IFRD1: variants seen among roughly 807,000 people sequenced by gnomAD.
IFRD1 encodes interferon related developmental regulator 1, also known as interferon-related developmental regulator 1.
In IFRD1, 35 loss-of-function variants were observed where a neutral mutation model predicts 52.9. The observed-to-expected ratio is 0.66, with a 90% CI of 0.51 to 0.88. The LOEUF is 0.88. IFRD1 is among the 40% of genes least tolerant of loss of function. The probability of loss-of-function intolerance (pLI) is 0.00; values close to 1 mark genes in which losing one functional copy is unlikely to be tolerated. For synonymous variants in IFRD1, 184 were observed against 188.4 expected, an observed-to-expected ratio of 0.98 and a Z score of 0.19; for missense variants, 517 against 550.8, an observed-to-expected ratio of 0.94 and a Z score of 0.61.
At chr7:112,454,817 G>A (rs910380300) in intron 1 of IFRD1, among the ~76,000 whole-genome samples, 2 of 144,174 alleles carry the variant, frequency 1.4e-5, no homozygotes, top group African/African-American at 5.1e-5. Context: ...TTCATGATTT[G>A]AAATCATGGT....
intron 1 of IFRD1, among the ~76,000 whole-genome samples, chr7:112,438,195 T>C (rs1794760498): frequency 6.6e-6 from 1 of 152,214 alleles, no homozygotes; most frequent in South Asian, 2.1e-4. Context: ...TAATTGCTTG[T>C]ATCTCTCTAA....
In IFRD1 at chr7:112,462,079, T is replaced by A; in HGVS notation, c.697T>A (p.Cys233Ser). The A allele has an allele frequency of 6.2e-7, 1 of 1,613,462 alleles. No individual in the cohort carries two copies. Among genetic ancestry groups the A allele is most frequent in the Non-Finnish European group, 8.5e-7 (1 of 1,179,570 alleles). Residue 233 changes from cysteine to serine, a missense_variant, in exon 7 of 12, where the codon TGC becomes AGC. Physicochemically the swap from Cys to Ser is moderately radical, Grantham distance 112 (BLOSUM62 -1). Coordinates refer to ENST00000403825, the MANE Select transcript of IFRD1 (RefSeq NM_001550.4). ...YLKEKDTTVICSTPNTVLHIS... is the reference protein window; with the variant it reads ...YLKEKDTTVISSTPNTVLHIS... ...CAAAGAGAAAGACACTACTGTTATTTGCAGCACTCCTAATACAGTGCTTCA... is the reference window on the plus strand; with the variant it reads ...CAAAGAGAAAGACACTACTGTTATTAGCAGCACTCCTAATACAGTGCTTCA...
rs553000664 is a variant in IFRD1, at chr7:112,426,207, C to T, written c.-182+2775C>T. 1.1e-4 allele frequency among the ~76,000 whole-genome samples: 17 copies of T among 152,130 alleles called. No homozygotes were observed. The East Asian group carries it at 2.9e-3, about 26-fold the overall frequency. On this transcript the variant is annotated intron_variant, in intron 1 of 12. Transcript: ENST00000005558. ...GCATGGGTGACAGGGTGAAACCTGT[C>T]CTTAAAAAAATAAAATAAAAATGAA...
intron 1 of IFRD1, among the ~76,000 whole-genome samples, chr7:112,424,868 T>A (rs1451766341): frequency 6.6e-6 from 1 of 152,238 alleles, no homozygotes; most frequent in Admixed American, 6.5e-5. Context: ...AGAAAATATA[T>A]GAGATATGAC....
chr7:112,462,286 C>G lies in IFRD1; in HGVS notation c.814C>G (p.Pro272Ala). 1 of 1,613,650 alleles carries G rather than the reference C, an allele frequency of 6.2e-7. No individual in the cohort carries two copies. Among genetic ancestry groups the G allele is most frequent in the Non-Finnish European group, 8.5e-7 (1 of 1,179,680 alleles). ...KKLEMHFHKL[P>A]SLLSCDDVNM... ...ATTTTTTAGGCATTTCCATAAGCTTCCAAGCCTCCTCTCTTGTGATGATGT... is the reference window on the plus strand; with the variant it reads ...ATTTTTTAGGCATTTCCATAAGCTTGCAAGCCTCCTCTCTTGTGATGATGT... The change falls in exon 8 of 12, where the codon CCA becomes GCA. Residue 272 changes from proline (P) to alanine (A), a missense_variant. By Grantham distance (27) the Pro-to-Ala change is conservative. Coordinates refer to ENST00000403825, the MANE Select transcript of IFRD1 (RefSeq NM_001550.4).
intron 3 of IFRD1, 55 bp from the exon 4 acceptor site, chr7:112,456,859 T>C (rs1275846502): frequency 6.4e-7 from 1 of 1,571,390 alleles, no homozygotes; most frequent in Non-Finnish European, 8.7e-7. Flanking sequence ...TTTAAAAAGT[T>C]ATTTATTGTA....
chr7:112,455,250 G>A (rs1288595268), intron 1 of IFRD1, among the ~76,000 whole-genome samples: 1 of 151,860 alleles, frequency 6.6e-6, no homozygotes, highest in African/African-American at 2.4e-5. Context: ...TTGGGAGGCC[G>A]AAGTGGGTGG....
At chr7:112,430,626 T>C (rs1794526582) in intron 1 of IFRD1, among the ~76,000 whole-genome samples, 1 of 152,222 alleles carries the variant, frequency 6.6e-6, no homozygotes, top group South Asian at 2.1e-4. Context: ...ACATCTGGCC[T>C]ACCCAAAATA....
chr7:112,452,335 A>G, intron 1 of IFRD1: 1 of 393,984 alleles, frequency 2.5e-6, no homozygotes, highest in Non-Finnish European at 3.5e-6. Flanking sequence ...TATTTTTTAC[A>G]TTTTTTGTGG....
chr7:112,463,617 T>A (rs1342844664), intron 8 of IFRD1, among the ~76,000 whole-genome samples: 2 of 152,128 alleles, frequency 1.3e-5, no homozygotes, highest in Non-Finnish European at 2.9e-5. Flanking sequence ...ATTGAGCTAG[T>A]TAATAGCTTC....
At chr7:112,451,832 T>A (rs73428468) in intron 1 of IFRD1, among the ~76,000 whole-genome samples, 6,711 of 152,190 alleles carry the variant, frequency 0.044, 429 homozygotes, top group African/African-American at 0.14. Flanking sequence ...CTATTAGCCA[T>A]CAGGTATTTT....
Position 112,430,817 on chromosome 7 carries a change from GA to G in IFRD1, c.-182+7387del, listed in dbSNP as rs1309119580. 2.0e-5 allele frequency among the ~76,000 whole-genome samples: 3 copies of G among 152,310 alleles called. No individual in the cohort carries two copies. In the East Asian group the frequency reaches 5.8e-4, roughly 29 times the overall value. On this transcript the variant is annotated intron_variant, in intron 1 of 12. Transcript: ENST00000005558. ...CCTACTGCAGTTTGCTACTCCGCCA[GA>G]AGTGGCCTGGGGTACTCATACAGCC...
At chr7:112,448,439 A>G (rs1189956893), upstream of IFRD1, among the ~76,000 whole-genome samples, 1 of 152,214 alleles carries the variant, frequency 6.6e-6, no homozygotes, top group Non-Finnish European at 1.5e-5. Context: ...TATGTATAGT[A>G]TAAATTGTTT....
At chr7:112,452,153 TA>T (rs1189613623) in intron 1 of IFRD1, 1 of 891,090 alleles carries the variant, frequency 1.1e-6, no homozygotes, top group East Asian at 1.6e-4. Context: ...GAATTGAGGA[TA>T]CTTTTTTTTT....
chr7:112,460,163 A>T (rs56020731), intron 5 of IFRD1, among the ~76,000 whole-genome samples: 24,644 of 150,018 alleles, frequency 0.16, 2,177 homozygotes, highest in South Asian at 0.31. Flanking sequence ...CATACTTCCA[A>T]GTTGCTGTGA....
intron 8 of IFRD1, 95 bp downstream of exon 8, chr7:112,462,473 C>T: frequency 1.2e-6 from 1 of 841,770 alleles, no homozygotes; most frequent in Middle Eastern, 2.2e-4. Context: ...AACTTTGGAA[C>T]ATGGCCAGCT....
intron 11 of IFRD1, among the ~76,000 whole-genome samples, chr7:112,474,020 T>G (rs753737995): frequency 7.2e-5 from 11 of 152,242 alleles, no homozygotes; most frequent in Non-Finnish European, 1.5e-4. Context: ...CTGGCTTTTT[T>G]CATTTAGCAT....
chr7:112,438,814 T>C (rs1250276550), intron 1 of IFRD1, among the ~76,000 whole-genome samples: 2 of 152,102 alleles, frequency 1.3e-5, no homozygotes, highest in African/African-American at 4.8e-5. Context: ...AAAGGTACCA[T>C]TACTCACCCA....
At chr7:112,455,134 G>A (rs1249066643) in intron 1 of IFRD1, among the ~76,000 whole-genome samples, 2 of 151,808 alleles carry the variant, frequency 1.3e-5, no homozygotes, top group Non-Finnish European at 1.5e-5. Context: ...AAAGTGCTAG[G>A]ATTACAGGCG....
Sources: gnomAD v4.1 joint callset for allele counts (sites outside exome capture counted in the v4.1 genomes callset) on GRCh38, gnomAD v4.1.1 for gene constraint, MANE v1.5 for transcripts, NCBI Gene and HGNC (gene_info 2026-07-23, HGNC 2026-07-21) for gene names.